CDH23: variants seen among roughly 807,000 people sequenced by gnomAD.
CDH23 encodes the protein cadherin-23.
A neutral mutation model predicts 317.1 loss-of-function variants in CDH23; 189 were observed. The ratio of observed to expected loss-of-function variants is 0.60; its 90% confidence interval spans 0.53 to 0.67. CDH23 has a LOEUF of 0.67. Among genes scored for constraint, CDH23 ranks in the 30% least tolerant of loss-of-function variants. CDH23 has a pLI of 0.00. For missense variants in CDH23, 4,401 were observed against 4,592.4 expected, an observed-to-expected ratio of 0.96 and a Z score of 1.20; for synonymous variants, 1,839 against 1,876.8, an observed-to-expected ratio of 0.98 and a Z score of 0.52.
chr10:71,650,053 TGAGGGTAAA>T (rs1252811636), intron 14 of CDH23, among the ~76,000 whole-genome samples: 4 of 152,146 alleles, frequency 2.6e-5, no homozygotes, highest in African/African-American at 9.7e-5. Flanking sequence ...CCTTCAGAGC[TGAGGGTAAA>T]GAGAGGAGCC....
intron 6 of CDH23, among the ~76,000 whole-genome samples, chr10:71,533,980 C>A (rs1360789799): frequency 6.6e-6 from 1 of 152,148 alleles, no homozygotes; most frequent in Non-Finnish European, 1.5e-5. Flanking sequence ...TCATTCCCGG[C>A]CAGGGTCTGA....
At chr10:71,512,655 A>C (rs1042178563) in intron 6 of CDH23, among the ~76,000 whole-genome samples, 13 of 152,088 alleles carry the variant, frequency 8.5e-5, no homozygotes, top group Admixed American at 5.9e-4. Context: ...CAAGGAGACG[A>C]GGGGTCATGT....
chr10:71,761,974 G>T, intron 38 of CDH23: 4 of 1,613,644 alleles, frequency 2.5e-6, no homozygotes, highest in Non-Finnish European at 3.4e-6. Flanking sequence ...TCTGCCCCTC[G>T]GGACAGACAT....
intron 24 of CDH23, among the ~76,000 whole-genome samples, chr10:71,703,993 C>G (rs1865686060): frequency 6.6e-6 from 1 of 152,204 alleles, no homozygotes; most frequent in African/African-American, 2.4e-5. Context: ...CTGTGGCTCC[C>G]TGGTCCCACC....
chr10:71,730,192 G>A (rs1038794153), intron 30 of CDH23, among the ~76,000 whole-genome samples: 2 of 152,288 alleles, frequency 1.3e-5, no homozygotes, highest in Middle Eastern at 3.4e-3. Flanking sequence ...GCCCCAAAGA[G>A]TCACTAATTA....
intron 9 of CDH23, among the ~76,000 whole-genome samples, chr10:71,580,244 G>A (rs1858528460): frequency 6.6e-6 from 1 of 152,264 alleles, no homozygotes; most frequent in Non-Finnish European, 1.5e-5. Context: ...GTCTGGGCTG[G>A]ACTCTGGAGC....
chr10:71,621,116 G>A (rs981463465), intron 11 of CDH23, among the ~76,000 whole-genome samples: 1 of 152,190 alleles, frequency 6.6e-6, no homozygotes, highest in Non-Finnish European at 1.5e-5. Context: ...GAAAAATCAG[G>A]GAACCACAAA....
At chr10:71,752,747 G>A (rs960817697) in intron 38 of CDH23, among the ~76,000 whole-genome samples, 15 of 152,154 alleles carry the variant, frequency 9.9e-5, no homozygotes, top group African/African-American at 3.6e-4. Context: ...ACTGAGACCC[G>A]AAGGTGGGTG....
At chr10:71,760,314 C>CACATAT (rs1417602987) in intron 38 of CDH23, among the ~76,000 whole-genome samples, 3 of 82,434 alleles carry the variant, frequency 3.6e-5, no homozygotes, top group East Asian at 3.8e-4. Context: ...TATACACACA[C>CACATAT]ATATATATAT....
chr10:71,679,896 T>A (rs1248283292), intron 17 of CDH23, among the ~76,000 whole-genome samples: 1 of 152,212 alleles, frequency 6.6e-6, no homozygotes, highest in East Asian at 1.9e-4. Flanking sequence ...CCCTGCTGCC[T>A]GCTGTGGGTC....
intron 3 of CDH23, among the ~76,000 whole-genome samples, chr10:71,464,697 A>G (rs1463973201): frequency 6.6e-6 from 1 of 152,210 alleles, no homozygotes; most frequent in Non-Finnish European, 1.5e-5. Flanking sequence ...GTAGAGCAGG[A>G]CAGCAGGCCT....
intron 35 of CDH23, 75 bp downstream of exon 35, chr10:71,738,722 T>C (rs1589388018): frequency 1.3e-6 from 2 of 1,523,608 alleles, no homozygotes; most frequent in African/African-American, 2.7e-5. Flanking sequence ...TGGAGGGGCC[T>C]TCTGAGCCAC....
chr10:71,663,624 C>T (rs908313700), intron 14 of CDH23, among the ~76,000 whole-genome samples: 4 of 152,222 alleles, frequency 2.6e-5, no homozygotes, highest in South Asian at 2.1e-4. Flanking sequence ...CTCTGAGCCT[C>T]GCTTTCCTTG....
At chr10:71,635,464 T>A (rs530274024) in intron 11 of CDH23, among the ~76,000 whole-genome samples, 38 of 152,260 alleles carry the variant, frequency 2.5e-4, no homozygotes, top group Middle Eastern at 6.8e-3. Flanking sequence ...CACCAGCAAA[T>A]TACCCTTAAA....
chr10:71,798,487 G>A lies in CDH23; in HGVS notation c.6963G>A (p.Val2321=), dbSNP rs2132965812. 6.2e-7 allele frequency: 1 copy of A among 1,614,014 alleles called. No homozygotes were observed. The highest frequency in any genetic ancestry group is 8.5e-7 in the Non-Finnish European group (1 of 1,179,876). Residue 2321 remains valine, a synonymous_variant, in exon 50 of 70, where the codon GTG becomes GTA. Coordinates refer to ENST00000224721, the MANE Select transcript of CDH23 (RefSeq NM_022124.6). ...CCACACTCATTGCTGTGGCAGCCGT[G>A]GACCCTGACAAGGGCCTTAATGGGC... ...PGTTLIAVAA[V]DPDKGLNGLV...
At chr10:71,709,064 T>C in intron 26 of CDH23, 34 bp from the exon 27 acceptor site, 1 of 1,601,758 alleles carries the variant, frequency 6.2e-7, no homozygotes, top group Admixed American at 1.7e-5. Flanking sequence ...GAGCTCTGTT[T>C]CCCAGCCGGA....
At chr10:71,536,221 G>A (rs1214264576) in intron 6 of CDH23, among the ~76,000 whole-genome samples, 2 of 152,266 alleles carry the variant, frequency 1.3e-5, no homozygotes, top group African/African-American at 2.4e-5. Flanking sequence ...AGGCCTCTGT[G>A]GAAGGAGGGC....
At chr10:71,452,846 C>A (rs1025468654) in intron 3 of CDH23, among the ~76,000 whole-genome samples, 6 of 152,208 alleles carry the variant, frequency 3.9e-5, no homozygotes, top group African/African-American at 1.2e-4. Flanking sequence ...GCATGGCCTC[C>A]TGTGAGACCT....
rs180761264 is a variant in CDH23, at chr10:71,623,135, A to G, written c.1134+5742A>G. 5.4e-4 allele frequency among the ~76,000 whole-genome samples: 82 copies of G among 152,264 alleles called. No homozygotes were observed. In the East Asian group the frequency reaches 6.8e-3, roughly 13 times the overall value. On this transcript the variant is annotated intron_variant, in intron 11 of 69. Transcript: ENST00000224721. ...CCTTCCAGTGGGGAGACAGAATTGC[A>G]GTAGAAATGGATGTTCAGAACTCTA...
Sources: gnomAD v4.1 joint callset for allele counts (sites outside exome capture counted in the v4.1 genomes callset) on GRCh38, gnomAD v4.1.1 for gene constraint, MANE v1.5 for transcripts, NCBI Gene and HGNC (gene_info 2026-07-23, HGNC 2026-07-21) for gene names.